WDR75: variants seen among roughly 807,000 people sequenced by gnomAD.
WDR75 encodes WD repeat-containing protein 75.
WDR75 carries 52 observed loss-of-function variants against 106.1 expected under a neutral mutation model. The ratio of observed to expected loss-of-function variants is 0.49; its 90% CI spans 0.39 to 0.62. The LOEUF (loss-of-function observed/expected upper bound fraction) is 0.62. Among genes scored for constraint, WDR75 ranks in the 20% least tolerant of loss-of-function variants. The probability of loss-of-function intolerance (pLI) is 0.00; values close to 1 mark genes in which losing one functional copy is unlikely to be tolerated. For missense variants in WDR75, 905 were observed against 970.3 expected (o/e 0.93, Z 0.89); for synonymous variants, 333 against 335.5 (o/e 0.99, Z 0.08).
chr2:189,466,186 A>G (rs932124955), intron 12 of WDR75, among the ~76,000 whole-genome samples: 1 of 152,140 alleles, frequency 6.6e-6, no homozygotes, highest in African/African-American at 2.4e-5. Flanking sequence ...CCAATGTACT[A>G]GTGGGTTGAC....
intron 13 of WDR75, 95 bp from the exon 14 acceptor site, chr2:189,467,373 A>G (rs1687024484): frequency 2.3e-6 from 3 of 1,332,270 alleles, no homozygotes; most frequent in Admixed American, 4.7e-5. Flanking sequence ...AACCACAGAA[A>G]GTGAACCCTC....
chr2:189,472,302 G>T (rs1687133312), intron 18 of WDR75, among the ~76,000 whole-genome samples: 1 of 152,178 alleles, frequency 6.6e-6, no homozygotes, highest in Admixed American at 6.5e-5. Context: ...AAACAGGGAA[G>T]TCTACGTAGG....
At chr2:189,474,618 G>A (rs1321290783) in intron 19 of WDR75, 99 bp from the exon 20 acceptor site, 2 of 1,056,706 alleles carry the variant, frequency 1.9e-6, no homozygotes, top group South Asian at 1.4e-5. Context: ...TTCACTCTTG[G>A]CATTTACAAT....
At chr2:189,457,924 C>CTTTTTTTT (rs11395971) in intron 6 of WDR75, among the ~76,000 whole-genome samples, 1 of 116,364 alleles carries the variant, frequency 8.6e-6, no homozygotes, top group Non-Finnish European at 1.7e-5. Flanking sequence ...GCCAAGATTG[C>CTTTTTTTT]TTTTTTTTTT....
At chr2:189,448,827 C>G (rs748851172) in intron 2 of WDR75, 5 of 488,088 alleles carry the variant, frequency 1.0e-5, no homozygotes, top group Admixed American at 4.6e-5. Flanking sequence ...TGCGAATATC[C>G]AAAAGAGGTA....
chr2:189,457,922 T>A lies in WDR75; in HGVS notation c.569+541T>A, dbSNP rs551223334. On this transcript the variant is annotated intron_variant, in intron 6 of 20. Coordinates refer to ENST00000314761, the MANE Select transcript of WDR75 (RefSeq NM_032168.3). The stretch of plus-strand genomic sequence containing the variant: ...CTCTTCCCTTTTACCCTGCCAAGAT[T>A]GCTTTTTTTTTTTTTTTTTTTGAGA... 4.8e-5 allele frequency among the ~76,000 whole-genome samples: 6 copies of A among 126,234 alleles called. No individual in the cohort carries two copies. The East Asian group carries it at 1.4e-3, about 30-fold the overall frequency. 82.8% of individuals were successfully genotyped at this position (126,234 alleles called of 152,430 possible). A position where few individuals can be genotyped will look rare whatever the true frequency, so the allele number is the denominator to read the frequency against.
intron 5 of WDR75, 121 bp from the exon 6 acceptor site, chr2:189,457,190 G>A (rs774457275): frequency 3.8e-5 from 25 of 650,602 alleles, no homozygotes; most frequent in Admixed American, 1.2e-4. Flanking sequence ...GCAGTGAGCC[G>A]AGATCGCACC....
chr2:189,474,635 G>C, intron 19 of WDR75, 82 bp from the exon 20 acceptor site: 1 of 1,202,086 alleles, frequency 8.3e-7, no homozygotes, highest in Non-Finnish European at 1.2e-6. Context: ...CAATAAAAGG[G>C]ACTCCGTGAG....
At chr2:189,448,957 G>T in intron 2 of WDR75, 1 of 445,020 alleles carries the variant, frequency 2.2e-6, no homozygotes, top group South Asian at 1.7e-5. Flanking sequence ...TTAGAAGTAA[G>T]GCTCTGGCTT....
At position 189,457,352 on chromosome 2, in the gene WDR75, T is replaced by C; in HGVS notation, c.540T>C (p.Val180=). The C allele has an allele frequency of 1.2e-6, 2 of 1,605,046 alleles. No individual in the cohort carries two copies. The highest frequency in any genetic ancestry group is 1.7e-6 in the Non-Finnish European group (2 of 1,172,764). Reference sequence around the variant, plus strand: ...CAGTACGGGAATTTTACTTGTCTGTTTATTTTTTCAAAAAGAAAACAACAT... The same window carrying C: ...CAGTACGGGAATTTTACTTGTCTGTCTATTTTTTCAAAAAGAAAACAACAT... ...VAAVREFYLS[V]YFFKKKTTSR... Residue 180 remains valine (V), a synonymous_variant, in exon 6 of 21, where the codon GTT becomes GTC. Coordinates refer to ENST00000314761, the MANE Select transcript of WDR75 (RefSeq NM_032168.3).
intron 3 of WDR75, among the ~76,000 whole-genome samples, 167 bp from the exon 4 acceptor site, chr2:189,451,638 A>T (rs1686623941): frequency 6.6e-6 from 1 of 152,230 alleles, no homozygotes; most frequent in South Asian, 2.1e-4. Context: ...AGGAAACTCG[A>T]AAGAGTATTT....
intron 12 of WDR75, among the ~76,000 whole-genome samples, chr2:189,465,656 T>C (rs1387816898): frequency 1.3e-5 from 2 of 152,156 alleles, no homozygotes; most frequent in Non-Finnish European, 2.9e-5. Flanking sequence ...TCCACTCTCG[T>C]ACTGTGGCTA....
At chr2:189,457,248 A>C (rs942702262) in intron 5 of WDR75, 63 bp from the exon 6 acceptor site, 25 of 1,222,562 alleles carry the variant, frequency 2.0e-5, no homozygotes, top group Non-Finnish European at 2.8e-5. Flanking sequence ...TCTCAAAAAA[A>C]AAAGAAAAAA....
Position 189,459,371 on chromosome 2 carries a change from CAT to C in WDR75, c.726_727del (p.Cys243PhefsTer6). 1 of 1,612,704 alleles carries C rather than the reference CAT, an allele frequency of 6.2e-7. No homozygotes were observed. The highest frequency in any genetic ancestry group is 8.5e-7 in the Non-Finnish European group (1 of 1,179,692). ...TATGATGATAAGAAATATACGTACA[CAT>C]GTTTACATTGGCACCATGATATGGT... On this transcript the variant is annotated frameshift_variant, in exon 8 of 21. Transcript: ENST00000314761. LOFTEE classifies it high-confidence loss of function.
In WDR75 at chr2:189,462,491, T is replaced by C. The variant is rs368254705; in HGVS notation, c.786T>C (p.Ser262=). The change falls in exon 9 of 21, where the codon AGT becomes AGC. Residue 262 remains serine, a synonymous_variant. Coordinates refer to ENST00000314761, the MANE Select transcript of WDR75 (RefSeq NM_032168.3). ...CCTTGAATGGATATGAAGGCACCAGTCTGCTGAGTGGCGGTCGTGAATCTG... is the reference window on the plus strand; with the variant it reads ...CCTTGAATGGATATGAAGGCACCAGCCTGCTGAGTGGCGGTCGTGAATCTG... ...MDLAFSVTGT[S]LLSGGRESVL... 9 of 1,613,630 alleles carry C rather than the reference T, an allele frequency of 5.6e-6. No homozygotes were observed. The African/African-American group carries it at 9.3e-5, about 17-fold the overall frequency.
intron 12 of WDR75, among the ~76,000 whole-genome samples, chr2:189,465,930 C>G (rs1429906955): frequency 1.3e-5 from 2 of 152,120 alleles, no homozygotes; most frequent in African/African-American, 4.8e-5. Context: ...GCGTTGCCCT[C>G]TAAGCTCGAA....
chr2:189,464,252 T>A, intron 11 of WDR75: 2 of 318,382 alleles, frequency 6.3e-6, no homozygotes, highest in Non-Finnish European at 5.7e-6. Flanking sequence ...GTCACAAGGA[T>A]AAAGAAACAA....
At chr2:189,466,252 T>C (rs1293284856) in intron 12 of WDR75, among the ~76,000 whole-genome samples, 173 bp from the exon 13 acceptor site, 2 of 152,188 alleles carry the variant, frequency 1.3e-5, no homozygotes, top group Non-Finnish European at 2.9e-5. Context: ...ATATTAGAAC[T>C]CTTTGCGTCC....
chr2:189,451,685 A>G (rs1686624758), intron 3 of WDR75, 120 bp from the exon 4 acceptor site: 3 of 761,428 alleles, frequency 3.9e-6, no homozygotes, highest in Non-Finnish European at 4.4e-6. Context: ...TAGGCCAGGT[A>G]CTCTCCTTAT....
Sources: gnomAD v4.1 joint callset for allele counts (sites outside exome capture counted in the v4.1 genomes callset) on GRCh38, gnomAD v4.1.1 for gene constraint, MANE v1.5 for transcripts, NCBI Gene and HGNC (gene_info 2026-07-23, HGNC 2026-07-21) for gene names.